The following MCU variants were observed in gnomAD, a reference collection of about 807,000 sequenced individuals.
MCU encodes mitochondrial calcium uniporter.
In MCU, 12 loss-of-function variants were observed where a neutral mutation model predicts 45.2. That is an observed-to-expected ratio of 0.27 (90% CI 0.17 to 0.43). The LOEUF is 0.43. Among genes scored for constraint, MCU ranks in the 20% least tolerant of loss-of-function variants. The pLI, the probability that MCU is intolerant of heterozygous loss-of-function variation, is 1.00. For synonymous variants in MCU, 160 were observed against 165.1 expected, an observed-to-expected ratio of 0.97 and a Z score of 0.24; for missense variants, 324 against 436.7, an observed-to-expected ratio of 0.74 and a Z score of 2.30.
At chr10:72,759,919 T>G (rs1843630934) in intron 1 of MCU, among the ~76,000 whole-genome samples, 2 of 152,190 alleles carry the variant, frequency 1.3e-5, no homozygotes, top group Middle Eastern at 3.2e-3. Flanking sequence ...ATTTGGAGCT[T>G]CTAGCCTCTA....
chr10:72,692,782 G>C (rs1293805443), intron 1 of MCU: 1 of 1,388,078 alleles, frequency 7.2e-7, no homozygotes, highest in Non-Finnish European at 9.3e-7. Context: ...CTGCCCCGGA[G>C]AGCAGCCCAG....
chr10:72,858,532 T>G (rs1393883228), intron 2 of MCU, among the ~76,000 whole-genome samples: 1 of 152,140 alleles, frequency 6.6e-6, no homozygotes, highest in Non-Finnish European at 1.5e-5. Context: ...GAATGCCTAA[T>G]GGTGGCTAGC....
intron 6 of MCU, among the ~76,000 whole-genome samples, chr10:72,883,753 C>T (rs1196682417): frequency 1.3e-5 from 2 of 152,114 alleles, no homozygotes; most frequent in African/African-American, 2.4e-5. Context: ...AATGAATAGA[C>T]TGCAGCTACA....
chr10:72,827,112 G>A (rs1844810075), intron 1 of MCU, among the ~76,000 whole-genome samples: 1 of 152,082 alleles, frequency 6.6e-6, no homozygotes, highest in African/African-American at 2.4e-5. Context: ...CACAGATAAC[G>A]GGGGAATAGT....
intron 2 of MCU, among the ~76,000 whole-genome samples, chr10:72,843,001 C>T (rs184177577): frequency 1.2e-4 from 18 of 152,072 alleles, no homozygotes; most frequent in African/African-American, 4.1e-4. Context: ...TACTAAAAAG[C>T]AGACTTTTTT....
In MCU at chr10:72,885,820, T is replaced by A. The variant is rs142030206; in HGVS notation, c.1054T>A (p.Ter352ArgextTer6). Reference sequence around the variant, plus strand: ...TCTCCGACAAATTGGTGAAAAAGATTGATCTGCAAAAAGCCTCTGAATCCT... The same window carrying A: ...TCTCCGACAAATTGGTGAAAAAGATAGATCTGCAAAAAGCCTCTGAATCCT... ...LPLRQIGEKD[*>R] The change falls in exon 8 of 8, where the codon TGA (stop) becomes AGA (arginine). Residue 352 changes from the stop codon to arginine, a stop_lost. Coordinates refer to ENST00000373053, the MANE Select transcript of MCU (RefSeq NM_138357.3). 4,774 of 1,612,994 alleles carry A rather than the reference T, an allele frequency of 3.0e-3. 19 individuals are homozygous for A. The highest frequency in any genetic ancestry group is 3.2e-3 in the Non-Finnish European group (3,827 of 1,179,082).
intron 6 of MCU, among the ~76,000 whole-genome samples, chr10:72,882,527 G>A (rs940285564): frequency 3.9e-5 from 6 of 152,088 alleles, no homozygotes; most frequent in Non-Finnish European, 7.4e-5. Context: ...TTCTATGGTC[G>A]AAACTGTAGG....
chr10:72,753,273 T>C (rs992231891), intron 1 of MCU, among the ~76,000 whole-genome samples: 2 of 152,236 alleles, frequency 1.3e-5, no homozygotes, highest in African/African-American at 4.8e-5. Context: ...GTAAAAATTT[T>C]AAATGAGTTA....
At chr10:72,761,600 A>T (rs934760202) in intron 1 of MCU, among the ~76,000 whole-genome samples, 27 of 152,176 alleles carry the variant, frequency 1.8e-4, no homozygotes, top group African/African-American at 6.3e-4. Context: ...TCCAGATTTG[A>T]TTAGTGGAAA....
intron 1 of MCU, among the ~76,000 whole-genome samples, chr10:72,732,889 C>T (rs1276634510): frequency 6.6e-6 from 1 of 152,186 alleles, no homozygotes; most frequent in East Asian, 1.9e-4. Context: ...TAGGCAAGAG[C>T]ATCCATGAGA....
intron 2 of MCU, among the ~76,000 whole-genome samples, chr10:72,844,649 A>G (rs1554827353): frequency 6.6e-6 from 1 of 152,306 alleles, no homozygotes; most frequent in Non-Finnish European, 1.5e-5. Context: ...ACCAAAGTAG[A>G]TAGATATTTA....
At chr10:72,818,958 T>G (rs1844667879) in intron 1 of MCU, among the ~76,000 whole-genome samples, 1 of 152,234 alleles carries the variant, frequency 6.6e-6, no homozygotes, top group African/African-American at 2.4e-5. Context: ...TTAATCCTCC[T>G]TTTTTAGAAA....
chr10:72,748,637 C>T (rs1843448896), intron 1 of MCU, among the ~76,000 whole-genome samples: 1 of 151,806 alleles, frequency 6.6e-6, no homozygotes, highest in South Asian at 2.1e-4. Flanking sequence ...GGCAACATAG[C>T]AAGACCCTGT....
At chr10:72,805,101 C>CTCTTTCTTTCTTTCTTTCTTTCTTTCTT (rs1161181455) in intron 1 of MCU, among the ~76,000 whole-genome samples, 33 of 103,452 alleles carry the variant, frequency 3.2e-4, no homozygotes, top group East Asian at 5.9e-4. Flanking sequence ...TTCTTTCTTT[C>CTCTTTCTTTCTTTCTTTCTTTCTTTCTT]TCTTTCTTTC....
intron 3 of MCU, among the ~76,000 whole-genome samples, chr10:72,859,775 T>G (rs947571099): frequency 6.6e-6 from 1 of 152,180 alleles, no homozygotes; most frequent in Admixed American, 6.5e-5. Context: ...CACTAAAAAT[T>G]ACCATTTTAT....
chr10:72,793,224 C>G (rs1844194294), intron 1 of MCU, among the ~76,000 whole-genome samples: 1 of 152,122 alleles, frequency 6.6e-6, no homozygotes, highest in African/African-American at 2.4e-5. Flanking sequence ...AGCTAGGTAC[C>G]TAGAAATCAG....
chr10:72,717,823 A>T (rs972510861), intron 1 of MCU, among the ~76,000 whole-genome samples: 3 of 152,228 alleles, frequency 2.0e-5, no homozygotes, highest in Non-Finnish European at 1.5e-5. Context: ...GGAGTTTAGC[A>T]GGTGTATTAC....
chr10:72,869,917 A>C (rs1845514419), intron 5 of MCU, among the ~76,000 whole-genome samples: 1 of 152,146 alleles, frequency 6.6e-6, no homozygotes, highest in Non-Finnish European at 1.5e-5. Flanking sequence ...ATAGAAACCA[A>C]ATTATAAAAT....
chr10:72,747,923 C>T (rs1176230046), intron 1 of MCU, among the ~76,000 whole-genome samples: 1 of 151,448 alleles, frequency 6.6e-6, no homozygotes, highest in Non-Finnish European at 1.5e-5. Context: ...TGGAAAGAAA[C>T]AAGTAAAATT....
Sources: allele counts gnomAD v4.1 joint callset (sites outside exome capture counted in the v4.1 genomes callset), GRCh38; gene constraint gnomAD v4.1.1; transcripts MANE v1.5; gene names NCBI Gene and HGNC (gene_info 2026-07-23, HGNC 2026-07-21).